Variants in PTPN3 observed in about 807,000 individuals in gnomAD.
The protein encoded by PTPN3 is tyrosine-protein phosphatase non-receptor type 3.
Under a neutral mutation model 132.7 loss-of-function variants are expected in PTPN3, and 96 were observed. That is an observed-to-expected ratio of 0.72 (90% confidence interval 0.61 to 0.86). The LOEUF is 0.86. PTPN3 is among the 40% of genes least tolerant of loss of function. PTPN3 has a pLI of 0.00. For missense variants in PTPN3, 1,125 were observed against 1,159.6 expected, an observed-to-expected ratio of 0.97 and a Z score of 0.43; for synonymous variants, 398 against 429.0, an observed-to-expected ratio of 0.93 and a Z score of 0.89.
At chr9:109,445,771 A>T (rs1844813749) in intron 6 of PTPN3, among the ~76,000 whole-genome samples, 2 of 152,300 alleles carry the variant, frequency 1.3e-5, no homozygotes, top group Middle Eastern at 3.4e-3. Context: ...CTTAGGAGGG[A>T]CAAGTAGAAA....
At chr9:109,522,173 A>C in the PTPN3 span, among the ~76,000 whole-genome samples, 1 of 152,234 alleles carries the variant, frequency 6.6e-6, no homozygotes, top group Non-Finnish European at 1.5e-5. Flanking sequence ...CTCAGGACTT[A>C]CCCTAGACCA....
chr9:109,515,765 T>C, the PTPN3 span, among the ~76,000 whole-genome samples: 1 of 152,134 alleles, frequency 6.6e-6, no homozygotes, highest in African/African-American at 2.4e-5. Context: ...ATGCCCTTTT[T>C]AGCAACCAGC....
intron 6 of PTPN3, among the ~76,000 whole-genome samples, chr9:109,448,445 T>C (rs907620337): frequency 3.9e-5 from 6 of 152,270 alleles, no homozygotes; most frequent in African/African-American, 1.2e-4. Context: ...AAATGAGTCA[T>C]CCGTGGGTAC....
rs1369571093 is a variant in PTPN3 at position 109,445,220 on chromosome 9, A to T, written c.466+20T>A. 6.2e-7 allele frequency: 1 copy of T among 1,608,896 alleles called. No homozygotes were observed. The highest frequency in any genetic ancestry group is 8.5e-7 in the Non-Finnish European group (1 of 1,175,302). Reference sequence around the variant, plus strand: ...TCAGAACAACCTGTCCATCCGTGAAATGCTCCCTTTGTGACTTACATTGTA... The same window carrying T: ...TCAGAACAACCTGTCCATCCGTGAATTGCTCCCTTTGTGACTTACATTGTA... On this transcript the variant is annotated intron_variant, in intron 7 of 25. Transcript: ENST00000374541.
chr9:109,463,552 C>G (rs3808877), intron 1 of PTPN3, 101 bp from the exon 2 acceptor site: 406,849 of 1,130,782 alleles, frequency 0.36, 74,450 homozygotes, highest in African/African-American at 0.49. Flanking sequence ...TACTGTCTGA[C>G]GGACTCACAG....
At chr9:109,380,003 G>A (rs1369671583) in intron 25 of PTPN3, among the ~76,000 whole-genome samples, 2 of 152,188 alleles carry the variant, frequency 1.3e-5, no homozygotes, top group African/African-American at 4.8e-5. Context: ...CTAGGCATGT[G>A]GAGGAGGAGG....
At chr9:109,476,610 AG>A (rs1311500461) in intron 1 of PTPN3, among the ~76,000 whole-genome samples, 1 of 152,112 alleles carries the variant, frequency 6.6e-6, no homozygotes, top group Admixed American at 6.5e-5. Flanking sequence ...CTGGGACAGG[AG>A]GGGTCTTGCC....
chr9:109,491,910 T>C (rs1385385064), intron 1 of PTPN3, among the ~76,000 whole-genome samples: 1 of 151,874 alleles, frequency 6.6e-6, no homozygotes, highest in Non-Finnish European at 1.5e-5. Flanking sequence ...TTGAGAAAAA[T>C]AGGAGTGTAT....
chr9:109,387,970 G>C (rs1223161209), intron 22 of PTPN3, among the ~76,000 whole-genome samples: 1 of 152,178 alleles, frequency 6.6e-6, no homozygotes, highest in African/African-American at 2.4e-5. Flanking sequence ...CTGACCGCTG[G>C]GGATATGAGG....
intron 23 of PTPN3, among the ~76,000 whole-genome samples, chr9:109,382,893 T>C (rs1032482490): frequency 2.0e-5 from 3 of 152,116 alleles, no homozygotes; most frequent in Admixed American, 1.3e-4. Context: ...TCCAGAACTT[T>C]AAAATATCCC....
upstream of PTPN3, among the ~76,000 whole-genome samples, chr9:109,499,650 CAGTCGG>C (rs1847828462): frequency 6.6e-6 from 1 of 152,220 alleles, no homozygotes; most frequent in Non-Finnish European, 1.5e-5. Flanking sequence ...TGGAACCCTC[CAGTCGG>C]GCCTGGGTGC....
chr9:109,537,770 G>T, the PTPN3 span, among the ~76,000 whole-genome samples: 1 of 152,178 alleles, frequency 6.6e-6, no homozygotes, highest in South Asian at 2.1e-4. Flanking sequence ...AAGCTCATTT[G>T]TAGGCAGCAC....
At position 109,420,552 on chromosome 9, in the gene PTPN3, A is replaced by T. The variant is rs1206863052; in HGVS notation, c.1185T>A (p.Ser395=). The change falls in exon 14 of 26, where the codon TCT becomes TCA. Residue 395 remains serine, a synonymous_variant. Coordinates refer to ENST00000374541, the MANE Select transcript of PTPN3 (RefSeq NM_002829.4). The stretch of plus-strand genomic sequence containing the variant: ...TCATTTCATTTGCAAGGTTATCTGC[A>T]GAAGAGTGGCGTGGCTTTCGGATTT... ...RHEIRKPRHS[S]ADNLANEMTY... The T allele has an allele frequency of 6.2e-7, 1 of 1,612,746 alleles. No homozygotes were observed. The highest frequency in any genetic ancestry group is 8.5e-7 in the Non-Finnish European group (1 of 1,179,760).
intron 19 of PTPN3, among the ~76,000 whole-genome samples, chr9:109,401,412 T>C (rs1841088195): frequency 6.6e-6 from 1 of 152,160 alleles, no homozygotes; most frequent in African/African-American, 2.4e-5. Context: ...TCCATACAAG[T>C]GGTCGGAGGG....
chr9:109,471,214 G>A (rs962290485), intron 1 of PTPN3, among the ~76,000 whole-genome samples: 1 of 152,028 alleles, frequency 6.6e-6, no homozygotes, highest in African/African-American at 2.4e-5. Flanking sequence ...GTGCCACCAC[G>A]CCCAACTAAT....
rs140834631 is a variant in PTPN3 at position 109,429,782 on chromosome 9, G to C, written c.765-1098C>G. On this transcript the variant is annotated intron_variant, in intron 10 of 25. Transcript: ENST00000374541. ...CAAGGGCTGACTATCATTCATTTAT[G>C]CAAAACTTCTGTAATCCATACAAAG... Among the ~76,000 whole-genome samples the C allele has an allele frequency of 2.5e-3, 382 of 152,224 alleles. 3 individuals are homozygous for C. Among genetic ancestry groups the C allele is most frequent in the African/African-American group, 8.9e-3 (370 of 41,546 alleles).
intron 14 of PTPN3, among the ~76,000 whole-genome samples, chr9:109,412,627 C>G (rs1842173498): frequency 6.6e-6 from 1 of 152,094 alleles, no homozygotes; most frequent in Non-Finnish European, 1.5e-5. Flanking sequence ...CCTGCCTCGG[C>G]CTCCCAAAGT....
chr9:109,480,671 A>G (rs931759639), intron 1 of PTPN3, among the ~76,000 whole-genome samples: 1 of 151,964 alleles, frequency 6.6e-6, no homozygotes, highest in Non-Finnish European at 1.5e-5. Context: ...AGGGTCTTTT[A>G]TTAAGGTCAT....
At chr9:109,381,194 T>TC (rs1445072672) in intron 25 of PTPN3, among the ~76,000 whole-genome samples, 1 of 152,162 alleles carries the variant, frequency 6.6e-6, no homozygotes, top group Non-Finnish European at 1.5e-5. Context: ...CCAAGAGTTA[T>TC]CCCCTAGAGT....
Sources: allele counts gnomAD v4.1 joint callset (sites outside exome capture counted in the v4.1 genomes callset), GRCh38; gene constraint gnomAD v4.1.1; transcripts MANE v1.5; gene names NCBI Gene and HGNC (gene_info 2026-07-23, HGNC 2026-07-21).